The following ARHGAP24 variants were observed in gnomAD, a reference collection of about 807,000 sequenced individuals.
ARHGAP24 encodes the protein rho GTPase-activating protein 24.
In ARHGAP24, 50 loss-of-function variants were observed where a neutral mutation model predicts 76.4. The ratio of observed to expected loss-of-function variants is 0.65; its 90% CI spans 0.52 to 0.83. The LOEUF is 0.83. Among genes scored for constraint, ARHGAP24 ranks in the 40% least tolerant of loss-of-function variants. ARHGAP24 has a pLI of 0.00. For missense variants in ARHGAP24, 930 were observed against 914.2 expected, an observed-to-expected ratio of 1.02 and a Z score of -0.22; for synonymous variants, 345 against 323.3, an observed-to-expected ratio of 1.07 and a Z score of -0.72.
At chr4:85,536,680 T>A (rs746593522) in intron 1 of ARHGAP24, among the ~76,000 whole-genome samples, 1 of 152,168 alleles carries the variant, frequency 6.6e-6, no homozygotes, top group Non-Finnish European at 1.5e-5. Flanking sequence ...ATAGCATATA[T>A]GACAGGCAGT....
Position 85,995,014 on chromosome 4 carries a change from A to G in ARHGAP24, c.1360A>G (p.Asn454Asp), listed in dbSNP as rs762367130. The G allele has an allele frequency of 6.2e-7, 1 of 1,614,048 alleles. No homozygotes were observed. Among genetic ancestry groups the G allele is most frequent in the East Asian group, 2.2e-5 (1 of 44,868 alleles). Residue 454 changes from asparagine to aspartate, a missense_variant, in exon 9 of 10, where the codon AAT becomes GAT. By Grantham distance (23) the Asn-to-Asp change is conservative (BLOSUM62 1). Transcript: ENST00000395184. ...TCTTGAGAAAACCCAAACCACCCCC[A>G]ATGGGAGCCTACAGGCCAGAAGGAG... The part of the protein sequence containing the change: ...EGLEKTQTTP[N>D]GSLQARRSSS...
chr4:85,836,451 A>G (rs1730296382), intron 3 of ARHGAP24, among the ~76,000 whole-genome samples: 1 of 152,192 alleles, frequency 6.6e-6, no homozygotes, highest in Non-Finnish European at 1.5e-5. Context: ...TGATAGACTC[A>G]GGAGTTTCTT....
intron 2 of ARHGAP24, among the ~76,000 whole-genome samples, chr4:85,611,189 A>C (rs1334870636): frequency 6.6e-6 from 1 of 152,232 alleles, no homozygotes; most frequent in Non-Finnish European, 1.5e-5. Context: ...TGAAACTGGG[A>C]AGCATCTTGG....
intron 1 of ARHGAP24, among the ~76,000 whole-genome samples, chr4:85,555,645 G>T (rs1726326297): frequency 6.6e-6 from 1 of 152,236 alleles, no homozygotes; most frequent in African/African-American, 2.4e-5. Flanking sequence ...CCCTGGGTGA[G>T]CTCAGGCTTT....
intron 5 of ARHGAP24, among the ~76,000 whole-genome samples, chr4:85,953,016 A>C: frequency 6.6e-6 from 1 of 152,228 alleles, no homozygotes; most frequent in East Asian, 1.9e-4. Context: ...AGCCCTCCAG[A>C]TGGTATCAGC....
intron 1 of ARHGAP24, among the ~76,000 whole-genome samples, chr4:85,489,750 A>G (rs1025602640): frequency 1.3e-5 from 2 of 152,200 alleles, no homozygotes; most frequent in Non-Finnish European, 2.9e-5. Flanking sequence ...TCATGGCTCA[A>G]TGGTGTCCCT....
intron 3 of ARHGAP24, among the ~76,000 whole-genome samples, chr4:85,848,630 C>A (rs897798265): frequency 6.6e-6 from 1 of 152,028 alleles, no homozygotes; most frequent in Non-Finnish European, 1.5e-5. Context: ...GTATAAGGTG[C>A]AAGGAAGAGA....
chr4:85,574,590 A>C (rs116792278), intron 2 of ARHGAP24, among the ~76,000 whole-genome samples: 1 of 152,216 alleles, frequency 6.6e-6, no homozygotes, highest in Non-Finnish European at 1.5e-5. Flanking sequence ...GGGGGCCCCA[A>C]TGGAAAAGGG....
chr4:85,593,829 A>T (rs1728211524), intron 2 of ARHGAP24, among the ~76,000 whole-genome samples: 1 of 152,146 alleles, frequency 6.6e-6, no homozygotes, highest in Non-Finnish European at 1.5e-5. Context: ...CTTTTATGCC[A>T]GTACTATGCT....
intron 3 of ARHGAP24, among the ~76,000 whole-genome samples, chr4:85,882,134 A>G (rs1022957030): frequency 1.3e-5 from 2 of 148,748 alleles, no homozygotes; most frequent in African/African-American, 5.0e-5. Context: ...TGTCTTTCCA[A>G]CTCTATGGTT....
At chr4:85,965,211 C>T (rs1184910193) in intron 5 of ARHGAP24, among the ~76,000 whole-genome samples, 1 of 152,112 alleles carries the variant, frequency 6.6e-6, no homozygotes, top group African/African-American at 2.4e-5. Flanking sequence ...GAGCAAGTCA[C>T]ATCTTACATG....
At chr4:85,955,220 C>G (rs748212986) in intron 5 of ARHGAP24, among the ~76,000 whole-genome samples, 22 of 151,716 alleles carry the variant, frequency 1.5e-4, no homozygotes, top group Non-Finnish European at 2.8e-4. Context: ...GCCCATGCTC[C>G]CCCCGCCTAC....
At position 85,995,093 on chromosome 4, in the gene ARHGAP24, G is replaced by T. The variant is rs1464620528; in HGVS notation, c.1439G>T (p.Gly480Val). The change falls in exon 9 of 10, where the codon GGA (glycine) becomes GTA (valine). Residue 480 changes from glycine to valine, a missense_variant. By Grantham distance (109) the Gly-to-Val change is moderately radical. Coordinates refer to ENST00000395184, the MANE Select transcript of ARHGAP24 (RefSeq NM_001025616.3). ...ATGGGCACGCACAGTGTACAGAATG[G>T]AACGGTGCGCATGGGCATTTTGAAC... is the stretch of plus-strand genomic sequence containing the variant. ...TKMGTHSVQN[G>V]TVRMGILNSD... 29 of 1,613,910 alleles carry T rather than the reference G, an allele frequency of 1.8e-5. No homozygotes were observed. Among genetic ancestry groups the T allele is most frequent in the Non-Finnish European group, 2.2e-5 (26 of 1,180,024 alleles).
intron 2 of ARHGAP24, among the ~76,000 whole-genome samples, chr4:85,626,996 T>G (rs1720979724): frequency 6.6e-6 from 1 of 152,194 alleles, no homozygotes; most frequent in Non-Finnish European, 1.5e-5. Context: ...TTCAAAGCTT[T>G]TAACTTCTTT....
chr4:85,740,915 AC>A lies in ARHGAP24; in HGVS notation c.268+18944del, dbSNP rs994157396. Reference sequence around the variant, plus strand: ...CATAAAAAAGCAGTAATGAAAGCTAACTTTTTTGAGTATTTATTCTGTTCAC... The same window carrying A: ...CATAAAAAAGCAGTAATGAAAGCTAATTTTTTGAGTATTTATTCTGTTCAC... On this transcript the variant is annotated intron_variant, in intron 3 of 9. Coordinates refer to ENST00000395184, the MANE Select transcript of ARHGAP24 (RefSeq NM_001025616.3). Among the ~76,000 whole-genome samples the A allele has an allele frequency of 1.7e-4, 26 of 152,354 alleles. 1 individual carries two copies. The highest frequency in any genetic ancestry group is 6.3e-4 in the African/African-American group (26 of 41,590).
intron 3 of ARHGAP24, among the ~76,000 whole-genome samples, chr4:85,864,747 A>G (rs1164567558): frequency 1.3e-5 from 2 of 152,114 alleles, no homozygotes; most frequent in Admixed American, 6.6e-5. Context: ...TGCAATGAGT[A>G]AGAGCAGTTA....
At chr4:85,901,324 T>A (rs1243601611) in intron 3 of ARHGAP24, among the ~76,000 whole-genome samples, 1 of 152,154 alleles carries the variant, frequency 6.6e-6, no homozygotes, top group South Asian at 2.1e-4. Flanking sequence ...AAGAAAGTTA[T>A]GGTGATTTGT....
chr4:85,850,015 A>AAGAAAT (rs1316751750), intron 3 of ARHGAP24, among the ~76,000 whole-genome samples: 1 of 152,194 alleles, frequency 6.6e-6, no homozygotes, highest in African/African-American at 2.4e-5. Flanking sequence ...ATAGTTTCAG[A>AAGAAAT]AGAAATGGTA....
At chr4:85,810,443 C>T (rs185399701) in intron 3 of ARHGAP24, among the ~76,000 whole-genome samples, 3 of 152,266 alleles carry the variant, frequency 2.0e-5, no homozygotes, top group East Asian at 1.9e-4. Context: ...TTGTCAGATG[C>T]GTGGATTCTG....
Sources: gnomAD v4.1 joint callset for allele counts (sites outside exome capture counted in the v4.1 genomes callset) on GRCh38, gnomAD v4.1.1 for gene constraint, MANE v1.5 for transcripts, NCBI Gene and HGNC (gene_info 2026-07-23, HGNC 2026-07-21) for gene names.